SMYD3: variants seen among roughly 807,000 people sequenced by gnomAD.
SMYD3 encodes SET and MYND domain containing 3.
Under a neutral mutation model 57.7 loss-of-function variants are expected in SMYD3, and 36 were observed. The observed-to-expected ratio is 0.62, with a 90% CI of 0.48 to 0.82. SMYD3 has a LOEUF of 0.82. Ranked by LOEUF, SMYD3 falls within the 40% of genes least tolerant of loss-of-function variation. The pLI is 0.00. For missense variants in SMYD3, 515 were observed against 538.8 expected (o/e 0.96, Z 0.44); for synonymous variants, 211 against 195.0 (o/e 1.08, Z -0.68).
chr1:245,907,933 C>T (rs1004363503), intron 8 of SMYD3, among the ~76,000 whole-genome samples: 1 of 151,942 alleles, frequency 6.6e-6, no homozygotes, highest in African/African-American at 2.4e-5. Flanking sequence ...GTCAGGAGAT[C>T]GAGACCATCC....
At chr1:246,033,495 A>G (rs6677705) in intron 5 of SMYD3, among the ~76,000 whole-genome samples, 69,674 of 152,072 alleles carry the variant, frequency 0.46, 18,107 homozygotes, top group East Asian at 0.96. Flanking sequence ...ATGTCAAAAC[A>G]TCAATGTTCT....
At chr1:245,943,908 C>A (rs958812650) in intron 5 of SMYD3, among the ~76,000 whole-genome samples, 5 of 152,170 alleles carry the variant, frequency 3.3e-5, no homozygotes, top group African/African-American at 1.2e-4. Flanking sequence ...TCAATAGATG[C>A]AGACAACGCC....
At chr1:246,496,335 G>A (rs997042932) in intron 1 of SMYD3, among the ~76,000 whole-genome samples, 2 of 151,992 alleles carry the variant, frequency 1.3e-5, no homozygotes, top group Non-Finnish European at 2.9e-5. Flanking sequence ...CGCCTGGCCA[G>A]TTTCTTGATT....
At chr1:246,467,780 A>C (rs1284191744) in intron 1 of SMYD3, among the ~76,000 whole-genome samples, 1 of 152,246 alleles carries the variant, frequency 6.6e-6, no homozygotes, top group Non-Finnish European at 1.5e-5. Flanking sequence ...CATTATTCTG[A>C]CAGCAAAACC....
At chr1:246,409,809 C>T (rs1206602710) in intron 1 of SMYD3, among the ~76,000 whole-genome samples, 1 of 152,188 alleles carries the variant, frequency 6.6e-6, no homozygotes, top group East Asian at 1.9e-4. Flanking sequence ...TACCCATGAG[C>T]ATGGAATGTT....
intron 5 of SMYD3, among the ~76,000 whole-genome samples, chr1:246,222,732 C>CT (rs1379287969): frequency 2.3e-4 from 35 of 152,262 alleles, no homozygotes; most frequent in Admixed American, 1.2e-3. Flanking sequence ...TTAATATAAA[C>CT]TGAAGGATGC....
chr1:245,752,057 GAGGCA>G lies in SMYD3; in HGVS notation c.1186-2398_1186-2394del, dbSNP rs376300386. Among the ~76,000 whole-genome samples the G allele has an allele frequency of 4.6e-3, 695 of 152,356 alleles. 6 individuals carry two copies. Among genetic ancestry groups the G allele is most frequent in the African/African-American group, 0.016 (675 of 41,582 alleles). On this transcript the variant is annotated intron_variant, in intron 11 of 11. Coordinates refer to ENST00000490107, the MANE Select transcript of SMYD3 (RefSeq NM_001167740.2). ...CGCTGCTCTGGACATCTTGAGGTCT[GAGGCA>G]GAGACCTGTGTGACAGCACGATTGC...
At chr1:245,945,602 A>C (rs2057404393) in intron 5 of SMYD3, among the ~76,000 whole-genome samples, 1 of 152,228 alleles carries the variant, frequency 6.6e-6, no homozygotes. Flanking sequence ...TTGACCCAGC[A>C]ATCTCATTAC....
intron 1 of SMYD3, among the ~76,000 whole-genome samples, chr1:246,412,312 A>G (rs1276395028): frequency 2.0e-5 from 3 of 152,244 alleles, no homozygotes; most frequent in Admixed American, 1.3e-4. Flanking sequence ...ACTAGCTGGC[A>G]TATCTTTACT....
intron 1 of SMYD3, among the ~76,000 whole-genome samples, chr1:246,370,192 G>T (rs755872587): frequency 6.6e-6 from 1 of 152,184 alleles, no homozygotes; most frequent in African/African-American, 2.4e-5. Flanking sequence ...GCCACCATGG[G>T]CATCATCGCA....
chr1:246,471,368 C>A (rs1380080568), intron 1 of SMYD3, among the ~76,000 whole-genome samples: 2 of 151,936 alleles, frequency 1.3e-5, no homozygotes, highest in Non-Finnish European at 2.9e-5. Flanking sequence ...CCAGTTAATT[C>A]TGTTTTTTTG....
intron 1 of SMYD3, among the ~76,000 whole-genome samples, chr1:246,391,262 C>G (rs1294963143): frequency 6.7e-6 from 1 of 149,268 alleles, no homozygotes; most frequent in Non-Finnish European, 1.5e-5. Context: ...CACCTATATT[C>G]CTAGATACAT....
intron 5 of SMYD3, among the ~76,000 whole-genome samples, chr1:245,959,083 GTTTTGT>G (rs972338424): frequency 6.6e-6 from 1 of 151,884 alleles, no homozygotes; most frequent in African/African-American, 2.4e-5. Flanking sequence ...AATTTTTTGG[GTTTTGT>G]TTTTGTTTTT....
At position 246,381,137 on chromosome 1, in the gene SMYD3, ACT is replaced by A. The variant is rs374314877; in HGVS notation, c.165-26045_165-26044del. ...ATGGATGAAGAGGAGCAAAACTGAC[ACT>A]CTCTGACTCTCTAGGCCTCTAGTCT... is the stretch of plus-strand genomic sequence containing the variant. On this transcript the variant is annotated intron_variant, in intron 1 of 11. Coordinates refer to ENST00000490107, the MANE Select transcript of SMYD3 (RefSeq NM_001167740.2). Among the ~76,000 whole-genome samples, 17 of 151,962 alleles carry A rather than the reference ACT, an allele frequency of 1.1e-4. 1 individual carries two copies. In the East Asian group the frequency reaches 3.3e-3, roughly 29 times the overall value.
intron 5 of SMYD3, among the ~76,000 whole-genome samples, chr1:246,305,405 A>G (rs2064963242): frequency 6.6e-6 from 1 of 152,198 alleles, no homozygotes; most frequent in Non-Finnish European, 1.5e-5. Flanking sequence ...TTTTTAACAT[A>G]AAATATTAGG....
chr1:246,363,527 T>A (rs1365605871), intron 1 of SMYD3, among the ~76,000 whole-genome samples: 1 of 152,194 alleles, frequency 6.6e-6, no homozygotes, highest in African/African-American at 2.4e-5. Context: ...TTGCCGTGTC[T>A]GTGTAGAAAG....
At chr1:246,402,434 A>G (rs1202254509) in intron 1 of SMYD3, among the ~76,000 whole-genome samples, 1 of 148,210 alleles carries the variant, frequency 6.7e-6, no homozygotes, top group Non-Finnish European at 1.5e-5. Context: ...CAGGGCACAA[A>G]TCCCTCTATC....
intron 1 of SMYD3, among the ~76,000 whole-genome samples, chr1:246,450,210 G>A (rs1219883810): frequency 6.6e-6 from 1 of 151,894 alleles, no homozygotes; most frequent in African/African-American, 2.4e-5. Flanking sequence ...TGGCTTGAAC[G>A]CCTCCGGGAG....
At chr1:246,481,623 C>T (rs10047233) in intron 1 of SMYD3, among the ~76,000 whole-genome samples, 1,674 of 19,654 alleles carry the variant, frequency 0.085, 67 homozygotes, top group African/African-American at 0.19. Context: ...TACATATATA[C>T]ATACATACAT....
Sources: gnomAD v4.1 joint callset for allele counts (sites outside exome capture counted in the v4.1 genomes callset) on GRCh38, gnomAD v4.1.1 for gene constraint, MANE v1.5 for transcripts, NCBI Gene and HGNC (gene_info 2026-07-23, HGNC 2026-07-21) for gene names.